CSTPP1: variants seen among roughly 807,000 people sequenced by gnomAD.
CSTPP1 encodes UPF0705 protein C11orf49.
chr11:46,949,300 C>T, the CSTPP1 span, among the ~76,000 whole-genome samples: 1 of 152,160 alleles, frequency 6.6e-6, no homozygotes, highest in African/African-American at 2.4e-5. Flanking sequence ...CTATGAACTA[C>T]CAGACCTGCT....
chr11:47,021,962 A>T, the CSTPP1 span, among the ~76,000 whole-genome samples: 1 of 151,634 alleles, frequency 6.6e-6, no homozygotes, highest in Non-Finnish European at 1.5e-5. Context: ...GCGCCTGTGC[A>T]GTTGTCCTTT....
chr11:46,964,387 G>A, the CSTPP1 span, among the ~76,000 whole-genome samples: 3 of 151,742 alleles, frequency 2.0e-5, no homozygotes, highest in Admixed American at 1.3e-4. Context: ...CCGGGTTCAC[G>A]CCATTCTCCT....
the CSTPP1 span, among the ~76,000 whole-genome samples, chr11:46,967,502 T>C: frequency 6.6e-6 from 1 of 152,184 alleles, no homozygotes; most frequent in Non-Finnish European, 1.5e-5. Flanking sequence ...GTCCTCCAAC[T>C]TAGTTTTTCT....
the CSTPP1 span, among the ~76,000 whole-genome samples, chr11:47,110,544 A>C: frequency 2.0e-5 from 3 of 152,206 alleles, no homozygotes; most frequent in Admixed American, 6.5e-5. Context: ...CTTATTGAGT[A>C]GGTTAGGTCA....
chr11:46,956,142 G>T, the CSTPP1 span, among the ~76,000 whole-genome samples: 1 of 152,240 alleles, frequency 6.6e-6, no homozygotes, highest in South Asian at 2.1e-4. Flanking sequence ...TATGTGTGTG[G>T]GTGTGTAAGT....
chr11:47,140,811 G>A, the CSTPP1 span, among the ~76,000 whole-genome samples: 6 of 151,418 alleles, frequency 4.0e-5, no homozygotes, highest in East Asian at 4.0e-4. Flanking sequence ...CTTAAAGACC[G>A]AACTTAAGGC....
the CSTPP1 span, among the ~76,000 whole-genome samples, chr11:47,108,367 C>A: frequency 1.3e-5 from 2 of 152,176 alleles, no homozygotes; most frequent in Non-Finnish European, 2.9e-5. Context: ...GGCTATCTGC[C>A]GTATATACAG....
chr11:47,041,072 T>G, the CSTPP1 span: 1 of 182,464 alleles, frequency 5.5e-6, no homozygotes, highest in Non-Finnish European at 1.2e-5. Flanking sequence ...GCTGAGAAGG[T>G]GTTGACTTTG....
At chr11:47,142,802 C>T in the CSTPP1 span, among the ~76,000 whole-genome samples, 1 of 152,134 alleles carries the variant, frequency 6.6e-6, no homozygotes, top group East Asian at 1.9e-4. Context: ...CAAAAATTCT[C>T]GATACCAAGG....
chr11:47,160,883 C>A, the CSTPP1 span: 1 of 548,978 alleles, frequency 1.8e-6, no homozygotes, highest in Non-Finnish European at 3.3e-6. Context: ...CACCACACTC[C>A]TTGGCTGTGG....
chr11:47,063,388 C>T, the CSTPP1 span, among the ~76,000 whole-genome samples: 1 of 152,142 alleles, frequency 6.6e-6, no homozygotes, highest in Non-Finnish European at 1.5e-5. Flanking sequence ...GCATTAAGTA[C>T]ATTCACAGTG....
the CSTPP1 span, among the ~76,000 whole-genome samples, chr11:47,071,110 T>C: frequency 6.6e-6 from 1 of 152,216 alleles, no homozygotes; most frequent in African/African-American, 2.4e-5. Flanking sequence ...AGCGACCTCT[T>C]AGGGCATTTG....
the CSTPP1 span, among the ~76,000 whole-genome samples, chr11:47,118,313 G>A: frequency 6.6e-6 from 1 of 152,070 alleles, no homozygotes; most frequent in African/African-American, 2.4e-5. Flanking sequence ...GTCATTTAAG[G>A]TCTTCTCTAC....
chr11:46,939,637 T>G, the CSTPP1 span, among the ~76,000 whole-genome samples: 44 of 112,284 alleles, frequency 3.9e-4, no homozygotes, highest in African/African-American at 1.2e-3. Context: ...AATGCATAGA[T>G]AGATAGATAG....
the CSTPP1 span, among the ~76,000 whole-genome samples, chr11:47,126,045 T>TTA: frequency 6.6e-6 from 1 of 152,078 alleles, no homozygotes; most frequent in Non-Finnish European, 1.5e-5. Flanking sequence ...GAAGTATTTT[T>TTA]TATATATATA....
chr11:47,056,257 T>C, the CSTPP1 span, among the ~76,000 whole-genome samples: 1 of 152,250 alleles, frequency 6.6e-6, no homozygotes, highest in Non-Finnish European at 1.5e-5. Context: ...CCTGCACAGC[T>C]GAAACCTGTG....
the CSTPP1 span, among the ~76,000 whole-genome samples, chr11:47,102,674 A>G: frequency 2.0e-5 from 3 of 152,226 alleles, no homozygotes; most frequent in Non-Finnish European, 1.5e-5. Flanking sequence ...ATAACTGTCA[A>G]TTACTCTTTC....
the CSTPP1 span, among the ~76,000 whole-genome samples, chr11:46,945,335 C>G: frequency 6.6e-6 from 1 of 152,118 alleles, no homozygotes; most frequent in Non-Finnish European, 1.5e-5. Flanking sequence ...TGATTATGGG[C>G]CAGGTGCGGT....
At chr11:46,948,791 TA>T in the CSTPP1 span, among the ~76,000 whole-genome samples, 1 of 152,148 alleles carries the variant, frequency 6.6e-6, no homozygotes, top group Non-Finnish European at 1.5e-5. Flanking sequence ...ATAAACTTCA[TA>T]AACAGTGAAC....
Sources: allele counts gnomAD v4.1 joint callset (sites outside exome capture counted in the v4.1 genomes callset), GRCh38; gene constraint gnomAD v4.1.1; transcripts MANE v1.5; gene names NCBI Gene and HGNC (gene_info 2026-07-23, HGNC 2026-07-21).